The following JAZF1 variants were observed in gnomAD, a reference collection of about 807,000 sequenced individuals.
JAZF1 encodes JAZF zinc finger 1.
A neutral mutation model predicts 26.4 loss-of-function variants in JAZF1; 8 were observed. The observed-to-expected ratio is 0.30, with a 90% CI of 0.18 to 0.55. The LOEUF (loss-of-function observed/expected upper bound fraction) is 0.55, where lower values mean the gene tolerates loss of function less well. Ranked by LOEUF, JAZF1 falls within the 20% of genes least tolerant of loss-of-function variation. The probability of loss-of-function intolerance (pLI) is 0.94; values close to 1 mark genes in which losing one functional copy is unlikely to be tolerated. For synonymous variants in JAZF1, 126 were observed against 122.3 expected (o/e 1.03, Z -0.20); for missense variants, 199 against 322.0 (o/e 0.62, Z 2.92).
intron 1 of JAZF1, among the ~76,000 whole-genome samples, chr7:28,112,196 T>C (rs769126390): frequency 6.6e-6 from 1 of 152,206 alleles, no homozygotes; most frequent in Non-Finnish European, 1.5e-5. Flanking sequence ...GAAGAAACCT[T>C]AGTGGCCTCC....
At chr7:27,940,376 G>A (rs530718658) in intron 2 of JAZF1, among the ~76,000 whole-genome samples, 1 of 152,224 alleles carries the variant, frequency 6.6e-6, no homozygotes, top group South Asian at 2.1e-4. Context: ...CATGCACCCT[G>A]TGACCCAGAC....
intron 2 of JAZF1, among the ~76,000 whole-genome samples, chr7:27,932,676 A>G (rs1198944434): frequency 6.6e-6 from 1 of 152,234 alleles, no homozygotes; most frequent in Non-Finnish European, 1.5e-5. Flanking sequence ...GTAAACCGAG[A>G]CTGAAGACAA....
At chr7:27,932,914 C>T (rs1475903820) in intron 2 of JAZF1, among the ~76,000 whole-genome samples, 1 of 152,144 alleles carries the variant, frequency 6.6e-6, no homozygotes, top group Non-Finnish European at 1.5e-5. Flanking sequence ...TTTGATATTG[C>T]GTATAAATAC....
At chr7:27,881,093 T>C (rs1255762192) in intron 3 of JAZF1, among the ~76,000 whole-genome samples, 1 of 152,246 alleles carries the variant, frequency 6.6e-6, no homozygotes. Context: ...TCATTTTTCT[T>C]TGATTTAAAG....
chr7:28,011,244 C>G (rs979799796), intron 1 of JAZF1, among the ~76,000 whole-genome samples: 2 of 152,200 alleles, frequency 1.3e-5, no homozygotes, highest in Non-Finnish European at 2.9e-5. Flanking sequence ...TTCTCCTTTT[C>G]ATAAGTATAG....
At chr7:27,900,647 T>C (rs535345535) in intron 2 of JAZF1, among the ~76,000 whole-genome samples, 7 of 152,338 alleles carry the variant, frequency 4.6e-5, no homozygotes, top group African/African-American at 1.7e-4. Context: ...CCGGGCTTCT[T>C]GCCTACTCAC....
chr7:28,109,110 T>C (rs908668388), intron 1 of JAZF1, among the ~76,000 whole-genome samples: 1 of 152,218 alleles, frequency 6.6e-6, no homozygotes, highest in Non-Finnish European at 1.5e-5. Flanking sequence ...CTTCCAGTTA[T>C]AAGATGAATA....
chr7:27,904,988 C>G (rs1784227130), intron 2 of JAZF1, among the ~76,000 whole-genome samples: 1 of 152,218 alleles, frequency 6.6e-6, no homozygotes, highest in South Asian at 2.1e-4. Context: ...GGCTGGGGTG[C>G]AGTGGTGCCA....
chr7:28,107,533 T>C (rs1784571487), intron 1 of JAZF1, among the ~76,000 whole-genome samples: 1 of 152,146 alleles, frequency 6.6e-6, no homozygotes, highest in East Asian at 1.9e-4. Flanking sequence ...GAATCTAGTG[T>C]CTCCATGGGC....
At chr7:28,040,097 T>G (rs1783364255) in intron 1 of JAZF1, among the ~76,000 whole-genome samples, 1 of 152,150 alleles carries the variant, frequency 6.6e-6, no homozygotes, top group Non-Finnish European at 1.5e-5. Flanking sequence ...AAACCTAAAG[T>G]ATTATTAAAG....
At position 27,893,999 on chromosome 7, in the gene JAZF1, C is replaced by T. The variant is rs531824834; in HGVS notation, c.385+1221G>A. The stretch of plus-strand genomic sequence containing the variant: ...AATTGTTACAGATCCAAGCTCCATT[C>T]TGTGGTTTAGCTTTATGTAATAATA... On this transcript the variant is annotated intron_variant, in intron 3 of 4. Coordinates refer to ENST00000283928, the MANE Select transcript of JAZF1 (RefSeq NM_175061.4). Among the ~76,000 whole-genome samples the T allele has an allele frequency of 2.6e-5, 4 of 152,358 alleles. No homozygotes were observed. In the South Asian group the frequency reaches 8.3e-4, roughly 32 times the overall value.
intron 2 of JAZF1, among the ~76,000 whole-genome samples, chr7:27,979,977 T>C (rs541066057): frequency 2.0e-5 from 3 of 152,338 alleles, no homozygotes; most frequent in East Asian, 3.9e-4. Flanking sequence ...TTTCATCTTA[T>C]TGGGTTGCTA....
intron 1 of JAZF1, among the ~76,000 whole-genome samples, chr7:28,022,143 AG>A (rs1216172168): frequency 1.3e-5 from 2 of 152,256 alleles, no homozygotes; most frequent in African/African-American, 4.8e-5. Flanking sequence ...CAAAGACCTA[AG>A]GATATGCTCA....
At chr7:28,046,003 T>C (rs1783490140) in intron 1 of JAZF1, among the ~76,000 whole-genome samples, 1 of 152,348 alleles carries the variant, frequency 6.6e-6, no homozygotes, top group Admixed American at 6.5e-5. Context: ...AGTTAAAAAG[T>C]GAGTATCCTT....
Position 27,921,258 on chromosome 7 carries a change from TACCAGACTGCA to T in JAZF1, c.189-25853_189-25843del, listed in dbSNP as rs553897189. 7.6e-4 allele frequency among the ~76,000 whole-genome samples: 115 copies of T among 152,188 alleles called. 1 individual carries two copies. The highest frequency in any genetic ancestry group is 2.6e-3 in the African/African-American group (110 of 41,522). ...CTTTGCCCACAATTCCTAGTCTGTT[TACCAGACTGCA>T]ACCAGACTGCCTGCTGGAAGCATTA... is the stretch of plus-strand genomic sequence containing the variant. On this transcript the variant is annotated intron_variant, in intron 2 of 4. Coordinates refer to ENST00000283928, the MANE Select transcript of JAZF1 (RefSeq NM_175061.4).
intron 2 of JAZF1, among the ~76,000 whole-genome samples, chr7:27,921,167 A>C (rs932740377): frequency 1.3e-5 from 2 of 152,188 alleles, no homozygotes; most frequent in Non-Finnish European, 2.9e-5. Context: ...GCTGTAGGCT[A>C]TTAAAGTAAT....
chr7:28,165,124 G>T (rs961618534), intron 1 of JAZF1, among the ~76,000 whole-genome samples: 1 of 152,086 alleles, frequency 6.6e-6, no homozygotes, highest in Non-Finnish European at 1.5e-5. Context: ...AGCCAAGATG[G>T]TGCCACTGCA....
intron 3 of JAZF1, among the ~76,000 whole-genome samples, chr7:27,887,141 G>A (rs1031717327): frequency 6.6e-6 from 1 of 152,112 alleles, no homozygotes; most frequent in Non-Finnish European, 1.5e-5. Context: ...AAGGGTGGGA[G>A]GAGGGAGAGG....
At chr7:27,974,150 G>C (rs1192375079) in intron 2 of JAZF1, among the ~76,000 whole-genome samples, 4 of 152,140 alleles carry the variant, frequency 2.6e-5, no homozygotes, top group African/African-American at 9.7e-5. Context: ...CCTGGCACTA[G>C]ATGAGCTGAG....
Sources: allele counts gnomAD v4.1 joint callset (sites outside exome capture counted in the v4.1 genomes callset), GRCh38; gene constraint gnomAD v4.1.1; transcripts MANE v1.5; gene names NCBI Gene and HGNC (gene_info 2026-07-23, HGNC 2026-07-21).